Variants in MAGI2 observed in about 807,000 individuals in gnomAD.
The protein encoded by MAGI2 is membrane-associated guanylate kinase, WW and PDZ domain-containing protein 2.
In MAGI2, 35 loss-of-function variants were observed where a neutral mutation model predicts 133.3. That is an observed-to-expected ratio of 0.26 (90% CI 0.20 to 0.35). MAGI2 has a LOEUF of 0.35. MAGI2 is among the 10% of genes least tolerant of loss of function. The probability of loss-of-function intolerance (pLI) is 1.00; values close to 1 mark genes in which losing one functional copy is unlikely to be tolerated. For synonymous variants in MAGI2, 729 were observed against 710.6 expected (o/e 1.03, Z -0.41); for missense variants, 1,636 against 1,863.4 (o/e 0.88, Z 2.25).
intron 1 of MAGI2, among the ~76,000 whole-genome samples, chr7:79,014,441 T>A (rs1199402636): frequency 1.3e-5 from 2 of 152,274 alleles, no homozygotes; most frequent in East Asian, 3.9e-4. Context: ...ATATCAAAAT[T>A]TTTAATAATG....
intron 2 of MAGI2, among the ~76,000 whole-genome samples, chr7:78,957,966 G>A (rs533834116): frequency 8.9e-4 from 135 of 152,222 alleles, no homozygotes; most frequent in Middle Eastern, 3.4e-3. Flanking sequence ...GCTTTTACTT[G>A]TGTGTCATTG....
chr7:78,353,733 A>T (rs938521276), intron 7 of MAGI2, among the ~76,000 whole-genome samples: 1 of 152,176 alleles, frequency 6.6e-6, no homozygotes, highest in African/African-American at 2.4e-5. Flanking sequence ...AGTAGTAGAT[A>T]TAGAGGTGCT....
chr7:78,274,038 C>G (rs982787796), intron 9 of MAGI2, among the ~76,000 whole-genome samples: 17 of 152,278 alleles, frequency 1.1e-4, no homozygotes, highest in African/African-American at 7.2e-5. Flanking sequence ...GAATTTTCAG[C>G]CTTTTTGCAC....
intron 6 of MAGI2, among the ~76,000 whole-genome samples, chr7:78,396,496 T>C (rs1352694547): frequency 6.6e-6 from 1 of 152,214 alleles, no homozygotes; most frequent in African/African-American, 2.4e-5. Flanking sequence ...TGGCTCCTCA[T>C]CATTCAAATC....
intron 2 of MAGI2, among the ~76,000 whole-genome samples, chr7:78,649,301 A>C (rs1811292086): frequency 6.7e-6 from 1 of 149,400 alleles, no homozygotes; most frequent in Non-Finnish European, 1.5e-5. Context: ...TTTTTAAAAC[A>C]AACTTGCCAG....
At chr7:79,151,595 CCT>C in intron 1 of MAGI2, among the ~76,000 whole-genome samples, 1 of 151,700 alleles carries the variant, frequency 6.6e-6, no homozygotes, top group South Asian at 2.1e-4. Context: ...AGAAATACCC[CCT>C]GGACATTGAA....
chr7:78,039,564 G>A (rs1439837351), intron 21 of MAGI2: 1 of 152,188 alleles, frequency 6.6e-6, no homozygotes, highest in African/African-American at 2.4e-5. Flanking sequence ...GATGTCCTTA[G>A]TCACTGATCC....
At chr7:78,190,711 G>A (rs1447828737) in intron 12 of MAGI2, among the ~76,000 whole-genome samples, 1 of 152,124 alleles carries the variant, frequency 6.6e-6, no homozygotes, top group Non-Finnish European at 1.5e-5. Context: ...AAAACACTAA[G>A]GGCCCTTAGA....
At chr7:79,135,043 T>C (rs964601998) in intron 1 of MAGI2, among the ~76,000 whole-genome samples, 1 of 152,198 alleles carries the variant, frequency 6.6e-6, no homozygotes, top group Non-Finnish European at 1.5e-5. Context: ...TAATATAATT[T>C]AGAGACATCC....
intron 2 of MAGI2, among the ~76,000 whole-genome samples, chr7:78,934,705 C>G (rs956447788): frequency 6.6e-6 from 1 of 152,002 alleles, no homozygotes; most frequent in African/African-American, 2.4e-5. Context: ...GTCCTTTCCC[C>G]AAGATATCTC....
chr7:79,429,534 G>A (rs1847631879), intron 1 of MAGI2, among the ~76,000 whole-genome samples: 1 of 151,886 alleles, frequency 6.6e-6, no homozygotes, highest in Non-Finnish European at 1.5e-5. Context: ...CGAACTCCTG[G>A]CCTCAAGTGA....
At chr7:79,223,950 G>A (rs1830649521) in intron 1 of MAGI2, among the ~76,000 whole-genome samples, 1 of 152,036 alleles carries the variant, frequency 6.6e-6, no homozygotes, top group African/African-American at 2.4e-5. Context: ...TCTTCCCAGT[G>A]AAATCTATTT....
intron 1 of MAGI2, among the ~76,000 whole-genome samples, chr7:79,164,616 CT>C (rs1192227951): frequency 1.3e-5 from 2 of 151,680 alleles, no homozygotes; most frequent in African/African-American, 4.8e-5. Flanking sequence ...TGAACATTTC[CT>C]TTTTTTTGAT....
At position 78,132,939 on chromosome 7, in the gene MAGI2, G is replaced by A. The variant is rs746514736; in HGVS notation, c.3153C>T (p.Ile1051=). 1.1e-5 allele frequency: 17 copies of A among 1,613,740 alleles called. No homozygotes were observed. Among genetic ancestry groups the A allele is most frequent in the East Asian group, 8.9e-5 (4 of 44,854 alleles). Residue 1051 remains isoleucine (I), a synonymous_variant, in exon 18 of 22, where the codon ATC becomes ATT. Transcript: ENST00000354212. ...QPSPATPNSP[I]AQPAPPQPLQ... is the part of the protein sequence containing the mutation. Reference sequence around the variant, plus strand: ...GTGGTTGAGGTGGTGCTGGCTGGGCGATGGGGCTGTTGGGGGTGGCTGGGC... The same window carrying A: ...GTGGTTGAGGTGGTGCTGGCTGGGCAATGGGGCTGTTGGGGGTGGCTGGGC...
chr7:78,589,043 G>A (rs1385018437), intron 3 of MAGI2, among the ~76,000 whole-genome samples: 3 of 152,114 alleles, frequency 2.0e-5, no homozygotes, highest in African/African-American at 7.2e-5. Context: ...CTTAAACCAG[G>A]ATTCCTATGT....
chr7:78,226,320 TAA>T (rs5885045), intron 10 of MAGI2, among the ~76,000 whole-genome samples: 1,850 of 141,796 alleles, frequency 0.013, 19 homozygotes, highest in African/African-American at 0.026. Context: ...TACAAATGTT[TAA>T]AAAAAAAAAA....
intron 2 of MAGI2, among the ~76,000 whole-genome samples, chr7:78,952,503 G>A (rs867332434): frequency 3.3e-5 from 5 of 151,908 alleles, no homozygotes; most frequent in East Asian, 1.9e-4. Flanking sequence ...ACTCTGAGTC[G>A]TGCTGAAAAT....
chr7:78,308,137 T>G (rs1441356717), intron 9 of MAGI2, among the ~76,000 whole-genome samples: 1 of 152,230 alleles, frequency 6.6e-6, no homozygotes, highest in Non-Finnish European at 1.5e-5. Context: ...AAATTCACTG[T>G]CAATGTTATT....
At chr7:78,986,570 G>A (rs1211051779) in intron 2 of MAGI2, among the ~76,000 whole-genome samples, 3 of 151,824 alleles carry the variant, frequency 2.0e-5, no homozygotes, top group African/African-American at 7.3e-5. Context: ...GAGCAAAGTA[G>A]AGGTGCAGTG....
Sources: allele counts gnomAD v4.1 joint callset (sites outside exome capture counted in the v4.1 genomes callset), GRCh38; gene constraint gnomAD v4.1.1; transcripts MANE v1.5; gene names NCBI Gene and HGNC (gene_info 2026-07-23, HGNC 2026-07-21).